The following PTPRD variants were observed in gnomAD, a reference collection of about 807,000 sequenced individuals.
PTPRD encodes the protein receptor-type tyrosine-protein phosphatase delta.
PTPRD carries 34 observed loss-of-function variants against 214.5 expected under a neutral mutation model. The ratio of observed to expected loss-of-function variants is 0.16; its 90% CI spans 0.12 to 0.21. PTPRD has a LOEUF of 0.21. Ranked by LOEUF, PTPRD falls within the 10% of genes least tolerant of loss-of-function variation. PTPRD has a pLI of 1.00. For missense variants in PTPRD, 2,545 were observed against 2,398.7 expected (o/e 1.06, Z -1.27); for synonymous variants, 1,128 against 845.7 (o/e 1.33, Z -5.79).
intron 11 of PTPRD, among the ~76,000 whole-genome samples, chr9:9,011,026 G>A (rs1335065725): frequency 6.6e-6 from 1 of 152,150 alleles, no homozygotes. Context: ...TATGTAGCAT[G>A]CTCATAATTT....
intron 9 of PTPRD, among the ~76,000 whole-genome samples, chr9:9,339,636 A>G (rs571019805): frequency 6.6e-6 from 1 of 152,320 alleles, no homozygotes; most frequent in African/African-American, 2.4e-5. Flanking sequence ...CAGGTTAGCA[A>G]TTTTATTCAA....
intron 8 of PTPRD, among the ~76,000 whole-genome samples, chr9:9,512,334 G>A (rs554181440): frequency 6.6e-6 from 1 of 151,742 alleles, no homozygotes; most frequent in Admixed American, 6.6e-5. Context: ...TGAGTAAGGG[G>A]GTAAAAGGTT....
chr9:9,914,631 C>G (rs77736028), intron 5 of PTPRD, among the ~76,000 whole-genome samples: 2 of 152,156 alleles, frequency 1.3e-5, no homozygotes, highest in African/African-American at 4.8e-5. Flanking sequence ...TGTGTTCTGG[C>G]ACTGTAGGCA....
chr9:8,979,446 G>T (rs2099293740), intron 11 of PTPRD, among the ~76,000 whole-genome samples: 1 of 151,926 alleles, frequency 6.6e-6, no homozygotes, highest in South Asian at 2.1e-4. Context: ...CAAATGAAGT[G>T]GTAACCTATG....
At chr9:10,541,049 G>A (rs185262615) in intron 2 of PTPRD, among the ~76,000 whole-genome samples, 6 of 152,112 alleles carry the variant, frequency 3.9e-5, no homozygotes, top group Admixed American at 6.6e-5. Flanking sequence ...ACATTGATAC[G>A]CACTACACAT....
chr9:8,828,959 G>C (rs1252198989), intron 11 of PTPRD, among the ~76,000 whole-genome samples: 1 of 152,068 alleles, frequency 6.6e-6, no homozygotes, highest in Admixed American at 6.6e-5. Context: ...ACTTGAAAAA[G>C]AAACACATAT....
chr9:8,481,760 A>G (rs559678175), intron 30 of PTPRD, among the ~76,000 whole-genome samples: 112 of 150,706 alleles, frequency 7.4e-4, no homozygotes, highest in Non-Finnish European at 1.4e-3. Flanking sequence ...AACAACTCCT[A>G]AATGCATATC....
intron 2 of PTPRD, among the ~76,000 whole-genome samples, chr9:10,373,654 T>C (rs2097674075): frequency 6.6e-6 from 1 of 152,132 alleles, no homozygotes; most frequent in African/African-American, 2.4e-5. Flanking sequence ...GGCACCTTGA[T>C]GATCTTTGCC....
chr9:8,770,401 A>G (rs896371958), intron 11 of PTPRD, among the ~76,000 whole-genome samples: 1 of 152,160 alleles, frequency 6.6e-6, no homozygotes, highest in African/African-American at 2.4e-5. Flanking sequence ...TAGAAAATAC[A>G]AGAAAATTTA....
chr9:8,455,770 G>T (rs901377602), intron 33 of PTPRD, among the ~76,000 whole-genome samples: 6 of 152,072 alleles, frequency 3.9e-5, no homozygotes, highest in Non-Finnish European at 7.4e-5. Flanking sequence ...TTTCCAATTT[G>T]CTCACTTTTT....
chr9:8,456,824 T>G (rs985662609), intron 33 of PTPRD, among the ~76,000 whole-genome samples: 2 of 63,398 alleles, frequency 3.2e-5, no homozygotes, highest in African/African-American at 6.7e-5. Context: ...GAAGTGCATC[T>G]CAGACTTCTA....
intron 11 of PTPRD, among the ~76,000 whole-genome samples, chr9:8,779,832 T>G (rs1319799085): frequency 7.0e-6 from 1 of 142,182 alleles, no homozygotes; most frequent in Non-Finnish European, 1.5e-5. Context: ...TTTTTTTTTT[T>G]TGGTCCTAAG....
At chr9:8,364,752 C>T (rs925987816) in intron 39 of PTPRD, among the ~76,000 whole-genome samples, 6 of 152,206 alleles carry the variant, frequency 3.9e-5, no homozygotes, top group Admixed American at 1.3e-4. Flanking sequence ...TTTTCTGCTG[C>T]GGTAGCCTCA....
intron 14 of PTPRD, among the ~76,000 whole-genome samples, chr9:8,564,675 G>A (rs2088134688): frequency 6.6e-6 from 1 of 152,106 alleles, no homozygotes; most frequent in African/African-American, 2.4e-5. Flanking sequence ...ACTCCAGCCT[G>A]GGCGACAGAA....
intron 9 of PTPRD, among the ~76,000 whole-genome samples, chr9:9,243,062 C>A (rs981448116): frequency 5.3e-5 from 8 of 152,066 alleles, no homozygotes; most frequent in African/African-American, 1.9e-4. Flanking sequence ...TTTTAACAGT[C>A]AGGACCCTCA....
chr9:9,820,512 T>C (rs1337570559), intron 5 of PTPRD, among the ~76,000 whole-genome samples: 3 of 152,098 alleles, frequency 2.0e-5, no homozygotes, highest in Non-Finnish European at 4.4e-5. Flanking sequence ...TCAATTTTTG[T>C]TGTTGTTGCA....
chr9:8,765,098 G>A lies in PTPRD; in HGVS notation c.-103-31152C>T, dbSNP rs536122321. Among the ~76,000 whole-genome samples, 15 of 152,134 alleles carry A rather than the reference G, an allele frequency of 9.9e-5. No homozygotes were observed. In the South Asian group the frequency reaches 2.7e-3, roughly 27 times the overall value. ...TCAGGGCCAGGAAGTGAAATAAAAC[G>A]CCCTTTGAGCAGAAAGTACAAATTT... On this transcript the variant is annotated intron_variant, in intron 11 of 45. Coordinates refer to ENST00000381196, the MANE Select transcript of PTPRD (RefSeq NM_002839.4).
At chr9:9,335,138 C>G (rs369446106) in intron 9 of PTPRD, among the ~76,000 whole-genome samples, 1 of 151,896 alleles carries the variant, frequency 6.6e-6, no homozygotes, top group African/African-American at 2.4e-5. Flanking sequence ...TGGTTTTTGC[C>G]TGATATTCCG....
intron 4 of PTPRD, among the ~76,000 whole-genome samples, chr9:9,947,781 T>C (rs1052839859): frequency 6.8e-6 from 1 of 146,376 alleles, no homozygotes; most frequent in African/African-American, 2.5e-5. Flanking sequence ...TCCTATAACA[T>C]GTATGAACCT....
Sources: gnomAD v4.1 joint callset for allele counts (sites outside exome capture counted in the v4.1 genomes callset) on GRCh38, gnomAD v4.1.1 for gene constraint, MANE v1.5 for transcripts, NCBI Gene and HGNC (gene_info 2026-07-23, HGNC 2026-07-21) for gene names.